CENPU: variants seen among roughly 807,000 people sequenced by gnomAD.
CENPU encodes KSHV latent nuclear antigen interacting protein 1.
CENPU carries 46 observed loss-of-function variants against 56.7 expected under a neutral mutation model. The ratio of observed to expected loss-of-function variants is 0.81; its 90% CI spans 0.64 to 1.04. The LOEUF is 1.04. CENPU is among the 50% of genes least tolerant of loss of function. The pLI is 0.00. For synonymous variants in CENPU, 166 were observed against 163.0 expected, an observed-to-expected ratio of 1.02 and a Z score of -0.14; for missense variants, 510 against 490.1, an observed-to-expected ratio of 1.04 and a Z score of -0.38.
chr4:184,708,537 G>GA (rs151299938), intron 8 of CENPU, among the ~76,000 whole-genome samples: 1,889 of 119,614 alleles, frequency 0.016, 92 homozygotes, highest in East Asian at 0.13. Flanking sequence ...GAATATCAAA[G>GA]AAAAAAAATA....
intron 2 of CENPU, among the ~76,000 whole-genome samples, 175 bp downstream of exon 2, chr4:184,730,745 T>C (rs1262204081): frequency 6.6e-6 from 1 of 152,010 alleles, no homozygotes; most frequent in African/African-American, 2.4e-5. Context: ...TTCTAAAACA[T>C]TAACAAAAGT....
rs1579731675 is a variant in CENPU, at chr4:184,694,162, C to CTAAG, written c.*1122_*1125dup. The CTAAG allele has an allele frequency of 1.0e-6, 1 of 952,636 alleles. No individual in the cohort carries two copies. The highest frequency in any genetic ancestry group is 5.2e-5 in the Admixed American group (1 of 19,268). The allele number at this position is 952,636 out of a possible 1,614,324, so 59.0% of individuals were successfully genotyped here. A position where few individuals can be genotyped will look rare whatever the true frequency, so the allele number is the denominator to read the frequency against. On this transcript the variant is annotated 3_prime_UTR_variant, in exon 13 of 13. Coordinates refer to ENST00000281453, the MANE Select transcript of CENPU (RefSeq NM_024629.4). ...TACTTTAAAATTTAAAGCATGGGTA[C>CTAAG]TAAGTCCATTGTCAAGATAGCAAAT...
At chr4:184,725,184 T>C (rs1438561031) in intron 3 of CENPU, 122 bp from the exon 4 acceptor site, 1 of 543,088 alleles carries the variant, frequency 1.8e-6, no homozygotes, top group Non-Finnish European at 3.2e-6. Context: ...TCAAAATCAA[T>C]TACACAGGCC....
chr4:184,726,063 T>A lies in CENPU; in HGVS notation c.215-1001A>T, dbSNP rs1168574966. Among the ~76,000 whole-genome samples the A allele has an allele frequency of 7.9e-5, 12 of 152,282 alleles. No individual in the cohort carries two copies. In the East Asian group the frequency reaches 1.9e-3, roughly 25 times the overall value. On this transcript the variant is annotated intron_variant, in intron 3 of 12. Coordinates refer to ENST00000281453, the MANE Select transcript of CENPU (RefSeq NM_024629.4). ...TAGCATGACAGTGCAAACTTCAACA[T>A]TTTTTCAACTAAACAGCTGCTTAAA...
Position 184,701,860 on chromosome 4 carries a change from AT to A in CENPU, c.924+228del, listed in dbSNP as rs1345473083. Among the ~76,000 whole-genome samples, 3 of 152,164 alleles carry A rather than the reference AT, an allele frequency of 2.0e-5. No individual in the cohort carries two copies. The East Asian group carries it at 5.8e-4, about 29-fold the overall frequency. On this transcript the variant is annotated intron_variant, in intron 10 of 12. Transcript: ENST00000281453. ...TCTGTCTTTAATTATAAAAACAATTATTTTGACACTCGTGCAGCCTTAGGAA... is the reference window on the plus strand; with the variant it reads ...TCTGTCTTTAATTATAAAAACAATTATTTGACACTCGTGCAGCCTTAGGAA...
At chr4:184,724,417 T>C (rs761234247) in intron 4 of CENPU, among the ~76,000 whole-genome samples, 3 of 152,242 alleles carry the variant, frequency 2.0e-5, no homozygotes, top group African/African-American at 7.2e-5. Context: ...ACTACAGTTA[T>C]CGAAGAGTTC....
chr4:184,713,878 G>A (rs554603055), intron 6 of CENPU: 1 of 152,400 alleles, frequency 6.6e-6, no homozygotes, highest in East Asian at 1.9e-4. Context: ...CCTGGAATAA[G>A]CTGCTCAGGA....
chr4:184,695,888 G>T (rs2150196405), intron 12 of CENPU, among the ~76,000 whole-genome samples: 1 of 152,276 alleles, frequency 6.6e-6, no homozygotes, highest in South Asian at 2.1e-4. Flanking sequence ...ATCATCTCAA[G>T]AAATTATTTA....
intron 11 of CENPU, 28 bp from the exon 12 acceptor site, chr4:184,697,831 A>G: frequency 6.4e-7 from 1 of 1,568,196 alleles, no homozygotes; most frequent in Non-Finnish European, 8.6e-7. Context: ...GACAAATAAT[A>G]AAATGTACCA....
At chr4:184,705,398 T>C (rs1207001772) in intron 8 of CENPU, among the ~76,000 whole-genome samples, 1 of 152,162 alleles carries the variant, frequency 6.6e-6, no homozygotes, top group Non-Finnish European at 1.5e-5. Flanking sequence ...GGGTTAGTGG[T>C]TTCCAGGGCT....
intron 12 of CENPU, among the ~76,000 whole-genome samples, chr4:184,697,085 C>T (rs1014994830): frequency 5.3e-5 from 8 of 152,056 alleles, no homozygotes; most frequent in African/African-American, 1.4e-4. Flanking sequence ...TTCACCATAT[C>T]GCCCAAGGCT....
In CENPU at chr4:184,717,240, T is replaced by C. The variant is rs114224839; in HGVS notation, c.321-44A>G. 8.9e-4 allele frequency: 1,225 copies of C among 1,373,634 alleles called. 9 individuals are homozygous for C. The African/African-American group carries it at 0.016, about 18-fold the overall frequency. The allele number at this position is 1,373,634 out of a possible 1,614,324, so 85.1% of individuals were successfully genotyped here. On this transcript the variant is annotated intron_variant, in intron 4 of 12. Coordinates refer to ENST00000281453, the MANE Select transcript of CENPU (RefSeq NM_024629.4). Reference sequence around the variant, plus strand: ...ATCAATATCTTGTACACATTCCATTTATATTCACATGTCTTCTCTAACTTG... The same window carrying C: ...ATCAATATCTTGTACACATTCCATTCATATTCACATGTCTTCTCTAACTTG...
rs1381292869 is a variant in CENPU, at chr4:184,716,620, A to G, written c.395T>C (p.Leu132Pro). 6.2e-7 allele frequency: 1 copy of G among 1,613,694 alleles called. No individual in the cohort carries two copies. The highest frequency in any genetic ancestry group is 8.5e-7 in the Non-Finnish European group (1 of 1,179,896). ...TTCAGAGTCATCACTAATGGGCCTGAGCTTTCTTCCTGGCTGTGTGAAAGA... is the reference window on the plus strand; with the variant it reads ...TTCAGAGTCATCACTAATGGGCCTGGGCTTTCTTCCTGGCTGTGTGAAAGA... ...KISAKKPGRKLRPISDDSESI... is the reference protein window; with the variant it reads ...KISAKKPGRKPRPISDDSESI... The change falls in exon 6 of 13, where the codon CTC becomes CCC. Residue 132 changes from leucine (L) to proline (P), a missense_variant. Coordinates refer to ENST00000281453, the MANE Select transcript of CENPU (RefSeq NM_024629.4).
chr4:184,723,350 G>A (rs1761340900), intron 4 of CENPU, among the ~76,000 whole-genome samples: 1 of 152,100 alleles, frequency 6.6e-6, no homozygotes. Flanking sequence ...TAATAATAAG[G>A]GAGAGGGAAG....
intron 11 of CENPU, 81 bp from the exon 12 acceptor site, chr4:184,697,884 T>C (rs1760393836): frequency 2.7e-6 from 3 of 1,114,464 alleles, no homozygotes; most frequent in Non-Finnish European, 3.8e-6. Context: ...GCTGAGCGAG[T>C]GTGAAGAACC....
Position 184,695,146 on chromosome 4 carries a change from C to G in CENPU, c.*142G>C, listed in dbSNP as rs78781309. The stretch of plus-strand genomic sequence containing the variant: ...TGATGCTATTTAACATTGTTCACAG[C>G]CATTTAATTTGAATAACAAATTTTA... On this transcript the variant is annotated 3_prime_UTR_variant, in exon 13 of 13. Transcript: ENST00000281453. 2,654 of 619,104 alleles carry G rather than the reference C, an allele frequency of 4.3e-3. 67 individuals are homozygous for G. The African/African-American group carries it at 0.044, about 10-fold the overall frequency. The allele number at this position is 619,104 out of a possible 1,614,324, so 38.4% of individuals were successfully genotyped here. A position where few individuals can be genotyped will look rare whatever the true frequency, so the allele number is the denominator to read the frequency against.
At chr4:184,720,995 G>C (rs542436015) in intron 4 of CENPU, among the ~76,000 whole-genome samples, 9 of 152,250 alleles carry the variant, frequency 5.9e-5, no homozygotes, top group African/African-American at 2.2e-4. Flanking sequence ...TGTAGCTGAT[G>C]CATGTAAACT....
At chr4:184,728,240 T>C (rs1043033800) in intron 3 of CENPU, among the ~76,000 whole-genome samples, 4 of 152,244 alleles carry the variant, frequency 2.6e-5, no homozygotes, top group Non-Finnish European at 5.9e-5. Flanking sequence ...TAAAAGACAT[T>C]ATTCTGGTGA....
chr4:184,697,565 C>A, intron 12 of CENPU, 82 bp downstream of exon 12: 1 of 1,349,512 alleles, frequency 7.4e-7, no homozygotes, highest in Non-Finnish European at 1.0e-6. Flanking sequence ...TTGTCTTTCC[C>A]CAAAGCTTCT....
Sources: allele counts gnomAD v4.1 joint callset (sites outside exome capture counted in the v4.1 genomes callset), GRCh38; gene constraint gnomAD v4.1.1; transcripts MANE v1.5; gene names NCBI Gene and HGNC (gene_info 2026-07-23, HGNC 2026-07-21).